ARID1A: variants seen among roughly 807,000 people sequenced by gnomAD.
The protein encoded by ARID1A is AT-rich interactive domain-containing protein 1A.
Under a neutral mutation model 212.6 loss-of-function variants are expected in ARID1A, and 20 were observed. The observed-to-expected ratio is 0.09, with a 90% CI of 0.07 to 0.14. The LOEUF (loss-of-function observed/expected upper bound fraction) is 0.14, where lower values mean the gene tolerates loss of function less well. Among genes scored for constraint, ARID1A ranks in the 10% least tolerant of loss-of-function variants. ARID1A has a pLI of 1.00. For missense variants in ARID1A, 2,587 were observed against 3,059.0 expected, an observed-to-expected ratio of 0.85 and a Z score of 3.64; for synonymous variants, 1,376 against 1,222.1, an observed-to-expected ratio of 1.13 and a Z score of -2.63.
At position 26,697,318 on chromosome 1, in the gene ARID1A, C is replaced by T. The variant is rs768830456; in HGVS notation, c.915C>T (p.Ala305=). 254 of 1,344,006 alleles carry T rather than the reference C, an allele frequency of 1.9e-4. 1 individual carries two copies. Among genetic ancestry groups the T allele is most frequent in the Non-Finnish European group, 2.3e-4 (244 of 1,054,214 alleles). The allele number at this position is 1,344,006 out of a possible 1,614,324, so 83.3% of individuals were successfully genotyped here. Residue 305 remains alanine, a synonymous_variant, in exon 1 of 20, where the codon GCC becomes GCT. Coordinates refer to ENST00000324856, the MANE Select transcript of ARID1A (RefSeq NM_006015.6). The part of the protein sequence containing the change: ...LNQLLTSPSS[A]RGYQGYPGGD... ...AACTGCTCACGTCGCCCAGCTCGGC[C>T]CGGGGCTACCAGGGCTACCCCGGGG... is the stretch of plus-strand genomic sequence containing the variant.
chr1:26,712,496 G>A (rs2080463840), intron 1 of ARID1A, among the ~76,000 whole-genome samples: 1 of 152,152 alleles, frequency 6.6e-6, no homozygotes, highest in Admixed American at 6.5e-5. Flanking sequence ...ACCAGCCTTG[G>A]CAACATAGCA....
rs1412218679 is a variant in ARID1A, at chr1:26,760,971, C to G, written c.2036C>G (p.Ser679Cys). Residue 679 changes from serine (S) to cysteine (C), a missense_variant, in exon 5 of 20, where the codon TCT (serine) becomes TGT (cysteine). Around this residue, in one of 11 missense-constraint regions of ARID1A, gnomAD observed 674 missense variants for 813.4 expected, o/e 0.83. Transcript: ENST00000324856. ...SQGEQSNPAQ[S>C]PFSPHTSPHL... ...GGAGAGCAGAGTAATCCAGCTCAGT[C>G]TCCTTTCTCTCCTCATACCTCCCCT... is the stretch of plus-strand genomic sequence containing the variant. 6.2e-7 allele frequency: 1 copy of G among 1,614,102 alleles called. No homozygotes were observed. Among genetic ancestry groups the G allele is most frequent in the South Asian group, 1.1e-5 (1 of 91,074 alleles).
chr1:26,704,398 A>G (rs2080367631), intron 1 of ARID1A, among the ~76,000 whole-genome samples: 4 of 150,548 alleles, frequency 2.7e-5, no homozygotes, highest in Admixed American at 2.6e-4. Flanking sequence ...TTCTTAAAAC[A>G]AGAGCCACGA....
intron 4 of ARID1A, among the ~76,000 whole-genome samples, chr1:26,746,360 T>G (rs1283829826): frequency 6.6e-6 from 1 of 152,236 alleles, no homozygotes; most frequent in Non-Finnish European, 1.5e-5. Flanking sequence ...TTTCTTTTGC[T>G]GTTGGTGCTT....
intron 1 of ARID1A, among the ~76,000 whole-genome samples, chr1:26,722,784 C>G (rs940903669): frequency 1.4e-4 from 21 of 152,042 alleles, no homozygotes; most frequent in Non-Finnish European, 2.6e-4. Context: ...TTCCCTGTGA[C>G]AGGTGTTGGT....
chr1:26,734,420 TAAG>T (rs1474972086), intron 4 of ARID1A, among the ~76,000 whole-genome samples: 1 of 151,322 alleles, frequency 6.6e-6, no homozygotes, highest in African/African-American at 2.4e-5. Context: ...TTGGGAATCT[TAAG>T]AACTTCTTAT....
rs749970078 is a variant in ARID1A at position 26,697,129 on chromosome 1, CGCG to C, written c.735_737del (p.Ala247del). 115 of 1,437,200 alleles carry C rather than the reference CGCG, an allele frequency of 8.0e-5. No homozygotes were observed. Among genetic ancestry groups the C allele is most frequent in the Non-Finnish European group, 9.8e-5 (108 of 1,099,738 alleles). 89.0% of individuals were successfully genotyped at this position (1,437,200 alleles called of 1,614,324 possible). A position where few individuals can be genotyped will look rare whatever the true frequency, so the allele number is the denominator to read the frequency against. On this transcript the variant is annotated inframe_deletion, in exon 1 of 20. Transcript: ENST00000324856. ...CGAGAGGTGGCACTCCGGGCTCCGG[CGCG>C]GCGGCGGCTGCCGGCTCCAAGCCGC...
At chr1:26,709,567 G>A (rs1365491924) in intron 1 of ARID1A, among the ~76,000 whole-genome samples, 1 of 150,910 alleles carries the variant, frequency 6.6e-6, no homozygotes, top group Non-Finnish European at 1.5e-5. Context: ...AGCTAGTATT[G>A]GTCTTTACCG....
Position 26,762,899 on chromosome 1 carries a change from G to A in ARID1A, c.2420-74G>A, listed in dbSNP as rs2081005544. ...CCAAAATATTGAATGACATTGTTTG[G>A]TGTTCTAGAGTTGAGAGATATTAGT... On this transcript the variant is annotated intron_variant, in intron 7 of 19. Coordinates refer to ENST00000324856, the MANE Select transcript of ARID1A (RefSeq NM_006015.6). 3.0e-6 allele frequency: 4 copies of A among 1,339,906 alleles called. No homozygotes were observed. The South Asian group carries it at 5.9e-5, about 20-fold the overall frequency. The allele number at this position is 1,339,906 out of a possible 1,614,324, so 83.0% of individuals were successfully genotyped here.
intron 4 of ARID1A, among the ~76,000 whole-genome samples, chr1:26,754,421 T>C (rs1433362558): frequency 2.0e-5 from 3 of 152,232 alleles, no homozygotes; most frequent in African/African-American, 4.8e-5. Context: ...TTAGAACTTA[T>C]ATTGCTGGTA....
chr1:26,780,691 C>T lies in ARID1A; in HGVS notation c.6793C>T (p.Pro2265Ser), dbSNP rs2124153035. 6.2e-7 allele frequency: 1 copy of T among 1,600,804 alleles called. No individual in the cohort carries two copies. Among genetic ancestry groups the T allele is most frequent in the Non-Finnish European group, 8.5e-7 (1 of 1,177,368 alleles). The stretch of plus-strand genomic sequence containing the variant: ...ACGGCTGTTGGACATCTCGGTATCA[C>T]CGTTGATGAACTCATTGGTTTCACA... ...ESRLLDISVSPLMNSLVSQVI... is the reference protein window; with the variant it reads ...ESRLLDISVSSLMNSLVSQVI... The change falls in exon 20 of 20, where the codon CCG becomes TCG. Residue 2265 changes from proline (P) to serine (S), a missense_variant. Pro to Ser is a moderately conservative substitution (Grantham distance 74). Around this residue, in one of 11 missense-constraint regions of ARID1A, gnomAD observed 27 missense variants for 28.4 expected, o/e 0.95. Coordinates refer to ENST00000324856, the MANE Select transcript of ARID1A (RefSeq NM_006015.6). The surrounding 1 kb of genome is among the most constrained non-coding windows in gnomAD (Gnocchi z 7.2).
chr1:26,706,647 A>T (rs1302064825), intron 1 of ARID1A, among the ~76,000 whole-genome samples: 8 of 152,202 alleles, frequency 5.3e-5, no homozygotes, highest in Non-Finnish European at 1.2e-4. Context: ...AGAAACAGAT[A>T]TATCTTTGGG....
At position 26,774,993 on chromosome 1, in the gene ARID1A, C is replaced by G. The variant is rs758069825; in HGVS notation, c.4766C>G (p.Ala1589Gly). 2 of 1,555,204 alleles carry G rather than the reference C, an allele frequency of 1.3e-6. No homozygotes were observed. Among genetic ancestry groups the G allele is most frequent in the Non-Finnish European group, 1.7e-6 (2 of 1,150,944 alleles). ...CACATTCCTCAGGTATCCAGCCCTG[C>G]TCCCCTGCCCCGGCCAATGGAGAAC... ...QNHIPQVSSP[A>G]PLPRPMENRT... The change falls in exon 18 of 20, where the codon GCT becomes GGT. Residue 1589 changes from alanine to glycine, a missense_variant. Physicochemically the swap from Ala to Gly is moderately conservative, Grantham distance 60. Transcript: ENST00000324856. This position sits in a 1 kb window ranked among gnomAD's most constrained non-coding sequence, Gnocchi z 5.6.
intron 4 of ARID1A, among the ~76,000 whole-genome samples, chr1:26,745,660 TA>T (rs2080829195): frequency 6.6e-6 from 1 of 152,132 alleles, no homozygotes; most frequent in African/African-American, 2.4e-5. Context: ...GGTCATTCAG[TA>T]AATGAGAACA....
chr1:26,751,215 A>G (rs918244953), intron 4 of ARID1A, among the ~76,000 whole-genome samples: 1 of 152,124 alleles, frequency 6.6e-6, no homozygotes, highest in African/African-American at 2.4e-5. Context: ...AGATTGCACC[A>G]CTGCACTCCA....
At chr1:26,703,482 A>G (rs978275787) in intron 1 of ARID1A, among the ~76,000 whole-genome samples, 7 of 152,210 alleles carry the variant, frequency 4.6e-5, no homozygotes, top group Non-Finnish European at 1.0e-4. Flanking sequence ...AGAGTCCTGG[A>G]AGTGCCCTTT....
At chr1:26,735,022 T>G (rs956707496) in intron 4 of ARID1A, among the ~76,000 whole-genome samples, 4 of 152,182 alleles carry the variant, frequency 2.6e-5, no homozygotes, top group Non-Finnish European at 5.9e-5. Context: ...CAGTTATTGA[T>G]GCCAAGCCAT....
chr1:26,761,074 A>C lies in ARID1A; in HGVS notation c.2139A>C (p.Pro713=), dbSNP rs779283100. The C allele has an allele frequency of 6.2e-7, 1 of 1,613,504 alleles. No homozygotes were observed. The highest frequency in any genetic ancestry group is 8.5e-7 in the Non-Finnish European group (1 of 1,179,890). ...GTGTTGCTCAGTCTCGCTCAGGACC[A>C]CTCTCGCCTGCTGCAGTGCCAGGTA... ...PASVAQSRSG[P]LSPAAVPGNQ... is the part of the protein sequence containing the mutation. Residue 713 remains proline (P), a synonymous_variant, in exon 5 of 20, where the codon CCA becomes CCC. Transcript: ENST00000324856.
At chr1:26,749,310 T>A (rs2124010377) in intron 4 of ARID1A, among the ~76,000 whole-genome samples, 1 of 152,270 alleles carries the variant, frequency 6.6e-6, no homozygotes, top group South Asian at 2.1e-4. Context: ...AGGGGACAGC[T>A]GTGAGGAGCA....
Sources: allele counts gnomAD v4.1 joint callset (sites outside exome capture counted in the v4.1 genomes callset), GRCh38; gene constraint gnomAD v4.1.1; regional missense constraint gnomAD v4.1.1; non-coding constraint Gnocchi (gnomAD v3.1); transcripts MANE v1.5; gene names NCBI Gene and HGNC (gene_info 2026-07-23, HGNC 2026-07-21).